The following ING5 variants were observed in gnomAD, a reference collection of about 807,000 sequenced individuals.
ING5 encodes inhibitor of growth protein 5.
In ING5, 17 loss-of-function variants were observed where a neutral mutation model predicts 37.4. The ratio of observed to expected loss-of-function variants is 0.45; its 90% CI spans 0.31 to 0.68. ING5 has a LOEUF of 0.68. Ranked by LOEUF, ING5 falls within the 30% of genes least tolerant of loss-of-function variation. The pLI, the probability that ING5 is intolerant of heterozygous loss-of-function variation, is 0.05. For missense variants in ING5, 233 were observed against 311.9 expected, an observed-to-expected ratio of 0.75 and a Z score of 1.91; for synonymous variants, 123 against 116.6, an observed-to-expected ratio of 1.06 and a Z score of -0.36.
chr2:241,714,400 G>T (rs935453176), intron 5 of ING5, among the ~76,000 whole-genome samples: 1 of 152,094 alleles, frequency 6.6e-6, no homozygotes, highest in Non-Finnish European at 1.5e-5. Flanking sequence ...GAAGTATTCA[G>T]GCTTTCTATT....
At chr2:241,724,509 G>GCC (rs1239177066) in intron 7 of ING5, 2 of 173,616 alleles carry the variant, frequency 1.2e-5, no homozygotes, top group African/African-American at 4.8e-5. Flanking sequence ...CTGTTCAGGA[G>GCC]CCCCTTGTGC....
At chr2:241,704,841 T>C in intron 2 of ING5, 117 bp downstream of exon 2, 2 of 807,936 alleles carry the variant, frequency 2.5e-6, no homozygotes, top group Non-Finnish European at 4.3e-6. Context: ...GGCATTGGCC[T>C]AGCCCTGGGC....
exon 2 of ING5, chr2:241,690,481 C>T: frequency 1.0e-5 from 4 of 395,738 alleles, no homozygotes; most frequent in Non-Finnish European, 1.3e-5. Context: ...AGGATGACTG[C>T]CACACCCCAG....
At chr2:241,716,514 C>T (rs368841093) in intron 5 of ING5, among the ~76,000 whole-genome samples, 37 of 148,558 alleles carry the variant, frequency 2.5e-4, no homozygotes, top group African/African-American at 8.5e-4. Flanking sequence ...AGGCTGGTCT[C>T]GAACCCCTGA....
At chr2:241,723,786 C>G (rs1691493356) in intron 7 of ING5, 1 of 1,598,066 alleles carries the variant, frequency 6.3e-7, no homozygotes, top group South Asian at 1.1e-5. Context: ...ATTGTTGTTC[C>G]TCAGATTTCA....
chr2:241,708,564 A>G lies in ING5; in HGVS notation c.110-652A>G, dbSNP rs112012938. On this transcript the variant is annotated intron_variant, in intron 2 of 7. Transcript: ENST00000313552. ...AGAGTTGTGTCTGTTTCTGCTCTTC[A>G]TATTAATGGAATCATCCAGTATGTT... Among the ~76,000 whole-genome samples, 777 of 152,214 alleles carry G rather than the reference A, an allele frequency of 5.1e-3. 5 individuals are homozygous for G. Among genetic ancestry groups the G allele is most frequent in the African/African-American group, 0.018 (729 of 41,534 alleles).
intron 2 of ING5, among the ~76,000 whole-genome samples, chr2:241,695,684 T>TA (rs901427048): frequency 1.7e-4 from 26 of 151,226 alleles, no homozygotes; most frequent in South Asian, 1.0e-3. Context: ...AGATTCCGTC[T>TA]AAAAAAAAAT....
chr2:241,701,084 GCTGGGA>G (rs1212108021), upstream of ING5, among the ~76,000 whole-genome samples: 1 of 150,476 alleles, frequency 6.6e-6, no homozygotes, highest in South Asian at 2.1e-4. Context: ...CTCCGGAGTA[GCTGGGA>G]CTACAGGCGT....
intron 2 of ING5, among the ~76,000 whole-genome samples, chr2:241,695,763 C>T (rs1456991149): frequency 2.0e-5 from 3 of 152,120 alleles, no homozygotes; most frequent in Non-Finnish European, 2.9e-5. Flanking sequence ...CAGATACTTG[C>T]AGTTCTATGT....
intron 2 of ING5, among the ~76,000 whole-genome samples, chr2:241,708,103 G>C (rs2069981143): frequency 6.6e-6 from 1 of 151,652 alleles, no homozygotes; most frequent in South Asian, 2.1e-4. Context: ...TCACCACATT[G>C]GCCAGGATGG....
chr2:241,702,678 G>C (rs1185038066), intron 1 of ING5, among the ~76,000 whole-genome samples: 2 of 152,214 alleles, frequency 1.3e-5, no homozygotes, highest in African/African-American at 2.4e-5. Flanking sequence ...GTGCCGAGTC[G>C]GCCCTGGTGG....
chr2:241,691,141 C>T (rs1448755615), intron 2 of ING5, among the ~76,000 whole-genome samples: 2 of 151,218 alleles, frequency 1.3e-5, no homozygotes, highest in Non-Finnish European at 2.9e-5. Flanking sequence ...TTGAGATTTT[C>T]CATTTAAAAA....
At chr2:241,713,762 G>T (rs747418578) in intron 5 of ING5, among the ~76,000 whole-genome samples, 1 of 151,974 alleles carries the variant, frequency 6.6e-6, no homozygotes, top group Non-Finnish European at 1.5e-5. Flanking sequence ...GCCAAGGCAG[G>T]TTAATCACCT....
At chr2:241,713,646 C>T (rs529696957) in intron 5 of ING5, among the ~76,000 whole-genome samples, 25 of 149,138 alleles carry the variant, frequency 1.7e-4, no homozygotes, top group African/African-American at 4.7e-4. Context: ...GCTGGGATTA[C>T]AGGCGTGAGC....
rs1224222318 is a variant in ING5 at position 241,719,581 on chromosome 2, G to A, written c.483-3358G>A. The A allele has an allele frequency of 3.9e-6, 6 of 1,535,994 alleles. No homozygotes were observed. In the Admixed American group the frequency reaches 1.2e-4, roughly 30 times the overall value. The stretch of plus-strand genomic sequence containing the variant: ...CTGCGTGAAAGTGGGACTCCTCCTG[G>A]TCTCTTCCTCACCCAGTGCTGTTTC... On this transcript the variant is annotated intron_variant, in intron 5 of 7. Coordinates refer to ENST00000313552, the MANE Select transcript of ING5 (RefSeq NM_032329.6).
intron 7 of ING5, chr2:241,724,095 A>C: frequency 2.3e-6 from 3 of 1,312,276 alleles, no homozygotes; most frequent in East Asian, 3.3e-5. Context: ...TGAAAATGAA[A>C]TCGGAATGTG....
intron 5 of ING5, chr2:241,720,477 T>G: frequency 9.9e-7 from 1 of 1,011,704 alleles, no homozygotes; most frequent in Non-Finnish European, 1.2e-6. Context: ...TCGTCTGAGA[T>G]CCCGTGACCT....
intron 7 of ING5, among the ~76,000 whole-genome samples, chr2:241,724,343 C>T (rs1288694025): frequency 3.3e-5 from 5 of 152,014 alleles, no homozygotes; most frequent in East Asian, 1.9e-4. Flanking sequence ...GATGGTGCAC[C>T]GAGGGTTTTG....
chr2:241,711,571 G>A (rs2070112619), intron 4 of ING5, 83 bp downstream of exon 4: 3 of 1,004,374 alleles, frequency 3.0e-6, no homozygotes, highest in African/African-American at 1.6e-5. Context: ...AATCATTAAA[G>A]TATGATCACT....
Sources: allele counts gnomAD v4.1 joint callset (sites outside exome capture counted in the v4.1 genomes callset), GRCh38; gene constraint gnomAD v4.1.1; transcripts MANE v1.5; gene names NCBI Gene and HGNC (gene_info 2026-07-23, HGNC 2026-07-21).